ST6GALNAC3: variants seen among roughly 807,000 people sequenced by gnomAD.
The protein encoded by ST6GALNAC3 is ST6 N-acetylgalactosaminide alpha-2,6-sialyltransferase 3, also known as alpha-N-acetylgalactosaminide alpha-2,6-sialyltransferase 3.
In ST6GALNAC3, 25 loss-of-function variants were observed where a neutral mutation model predicts 32.7. The ratio of observed to expected loss-of-function variants is 0.76; its 90% CI spans 0.56 to 1.07. ST6GALNAC3 has a LOEUF of 1.07. Ranked by LOEUF, ST6GALNAC3 falls within the 50% of genes least tolerant of loss-of-function variation. ST6GALNAC3 has a pLI of 0.00. For synonymous variants in ST6GALNAC3, 129 were observed against 133.1 expected, an observed-to-expected ratio of 0.97 and a Z score of 0.21; for missense variants, 355 against 382.4, an observed-to-expected ratio of 0.93 and a Z score of 0.60.
chr1:76,546,970 T>A (rs559237018), intron 3 of ST6GALNAC3, among the ~76,000 whole-genome samples: 1 of 152,316 alleles, frequency 6.6e-6, no homozygotes, highest in Non-Finnish European at 1.5e-5. Context: ...TTAAAAGGAT[T>A]GGATAGCTGT....
chr1:76,106,035 C>T (rs1647507268), intron 1 of ST6GALNAC3, among the ~76,000 whole-genome samples: 1 of 152,196 alleles, frequency 6.6e-6, no homozygotes, highest in Non-Finnish European at 1.5e-5. Flanking sequence ...TGACATTAGG[C>T]ACTTTTCTTA....
chr1:76,409,178 A>G (rs1192590678), intron 2 of ST6GALNAC3, among the ~76,000 whole-genome samples: 1 of 152,032 alleles, frequency 6.6e-6, no homozygotes, highest in Non-Finnish European at 1.5e-5. Flanking sequence ...TCTCTTTTCC[A>G]AGTGTCCTAA....
At chr1:76,614,606 C>T (rs1648157991) in intron 3 of ST6GALNAC3, among the ~76,000 whole-genome samples, 1 of 151,600 alleles carries the variant, frequency 6.6e-6, no homozygotes, top group African/African-American at 2.4e-5. Context: ...GTAGTCCCAG[C>T]TACTCGGCAG....
intron 3 of ST6GALNAC3, among the ~76,000 whole-genome samples, chr1:76,417,390 T>C (rs986612032): frequency 6.6e-6 from 1 of 152,140 alleles, no homozygotes; most frequent in Admixed American, 6.6e-5. Flanking sequence ...TGGACCAAAA[T>C]ACCTTTTCCC....
chr1:76,475,929 T>G (rs1363483789), intron 3 of ST6GALNAC3, among the ~76,000 whole-genome samples: 1 of 152,134 alleles, frequency 6.6e-6, no homozygotes, highest in African/African-American at 2.4e-5. Flanking sequence ...AACTCCCACT[T>G]ATAGGTGAGA....
At chr1:76,532,623 T>C (rs1282671392) in intron 3 of ST6GALNAC3, among the ~76,000 whole-genome samples, 1 of 152,054 alleles carries the variant, frequency 6.6e-6, no homozygotes. Flanking sequence ...GAACCAGAAA[T>C]GTATATATTT....
intron 1 of ST6GALNAC3, among the ~76,000 whole-genome samples, chr1:76,112,787 G>T (rs138893244): frequency 0.041 from 6,275 of 151,402 alleles, 172 homozygotes; most frequent in Non-Finnish European, 0.066. Flanking sequence ...ATGGGCGGCC[G>T]GGCAGAGATG....
At chr1:76,111,848 A>G (rs1042739132) in intron 1 of ST6GALNAC3, among the ~76,000 whole-genome samples, 1 of 151,980 alleles carries the variant, frequency 6.6e-6, no homozygotes, top group Non-Finnish European at 1.5e-5. Flanking sequence ...CTTTCTACAC[A>G]GACACGGCAA....
At chr1:76,510,163 T>G (rs1178694799) in intron 3 of ST6GALNAC3, among the ~76,000 whole-genome samples, 3 of 152,154 alleles carry the variant, frequency 2.0e-5, no homozygotes, top group African/African-American at 7.2e-5. Context: ...TGGCATAGCT[T>G]TTCCCTGTTA....
At chr1:76,482,868 CT>C (rs1659823306) in intron 3 of ST6GALNAC3, among the ~76,000 whole-genome samples, 1 of 127,594 alleles carries the variant, frequency 7.8e-6, no homozygotes, top group Admixed American at 8.4e-5. Flanking sequence ...AATGCTATCC[CT>C]CCCCCCTCCC....
chr1:76,468,936 A>C (rs1658838203), intron 3 of ST6GALNAC3, among the ~76,000 whole-genome samples: 1 of 151,854 alleles, frequency 6.6e-6, no homozygotes, highest in Non-Finnish European at 1.5e-5. Flanking sequence ...AGGAAAAAAT[A>C]ATTTCTTTCC....
chr1:76,609,034 G>A (rs1324278525), intron 3 of ST6GALNAC3, among the ~76,000 whole-genome samples: 1 of 152,082 alleles, frequency 6.6e-6, no homozygotes, highest in East Asian at 1.9e-4. Context: ...CTGGTTATAA[G>A]AGAAAATTAT....
intron 2 of ST6GALNAC3, among the ~76,000 whole-genome samples, chr1:76,388,531 A>G (rs1652272545): frequency 6.6e-6 from 1 of 152,200 alleles, no homozygotes; most frequent in Non-Finnish European, 1.5e-5. Context: ...AGTACTGGCA[A>G]TGTTGCAGCC....
chr1:76,291,630 C>T (rs1421871557), intron 1 of ST6GALNAC3, among the ~76,000 whole-genome samples: 2 of 152,140 alleles, frequency 1.3e-5, no homozygotes, highest in African/African-American at 4.8e-5. Context: ...CTCCTTAAGC[C>T]TCTTTTCTAA....
chr1:76,232,278 A>G (rs1656403640), intron 1 of ST6GALNAC3, among the ~76,000 whole-genome samples: 1 of 152,202 alleles, frequency 6.6e-6, no homozygotes, highest in African/African-American at 2.4e-5. Flanking sequence ...TGTAGTATTT[A>G]TCCATTGTAT....
chr1:76,403,283 G>A (rs959779207), intron 2 of ST6GALNAC3, among the ~76,000 whole-genome samples: 1 of 152,054 alleles, frequency 6.6e-6, no homozygotes, highest in African/African-American at 2.4e-5. Flanking sequence ...CAGACCTCCA[G>A]TATACTCTCC....
chr1:76,339,787 C>CA (rs1215050482), intron 2 of ST6GALNAC3, among the ~76,000 whole-genome samples: 3 of 151,530 alleles, frequency 2.0e-5, no homozygotes, highest in Non-Finnish European at 4.4e-5. Context: ...AATAAACTTC[C>CA]AAAAAAATAC....
At chr1:76,399,442 T>A (rs1278199302) in intron 2 of ST6GALNAC3, among the ~76,000 whole-genome samples, 1 of 152,204 alleles carries the variant, frequency 6.6e-6, no homozygotes, top group Non-Finnish European at 1.5e-5. Flanking sequence ...CAGTACTCTG[T>A]TTGGCACTTT....
chr1:76,112,863 C>A (rs1366903134), intron 1 of ST6GALNAC3, among the ~76,000 whole-genome samples: 1 of 150,182 alleles, frequency 6.7e-6, no homozygotes, highest in Non-Finnish European at 1.5e-5. Context: ...ACTGGGCAGC[C>A]AGGCAGAGAG....
Sources: gnomAD v4.1 joint callset for allele counts (sites outside exome capture counted in the v4.1 genomes callset) on GRCh38, gnomAD v4.1.1 for gene constraint, MANE v1.5 for transcripts, NCBI Gene and HGNC (gene_info 2026-07-23, HGNC 2026-07-21) for gene names.